ABCC1: variants seen among roughly 807,000 people sequenced by gnomAD.
ABCC1 encodes multidrug resistance-associated protein 1.
Under a neutral mutation model 172.9 loss-of-function variants are expected in ABCC1, and 83 were observed. The ratio of observed to expected loss-of-function variants is 0.48; its 90% CI spans 0.40 to 0.58. ABCC1 has a LOEUF of 0.58. Among genes scored for constraint, ABCC1 ranks in the 20% least tolerant of loss-of-function variants. ABCC1 has a pLI of 0.00. For synonymous variants in ABCC1, 937 were observed against 825.2 expected (o/e 1.14, Z -2.32); for missense variants, 1,817 against 2,002.7 (o/e 0.91, Z 1.77).
intron 19 of ABCC1, among the ~76,000 whole-genome samples, chr16:16,098,478 G>A (rs930247245): frequency 6.6e-6 from 1 of 152,222 alleles, no homozygotes; most frequent in Non-Finnish European, 1.5e-5. Context: ...AATTAGCCAG[G>A]TGTGGTGGCG....
At chr16:16,003,399 T>C (rs1184654469) in intron 1 of ABCC1, among the ~76,000 whole-genome samples, 1 of 85,732 alleles carries the variant, frequency 1.2e-5, no homozygotes. Flanking sequence ...GGTGGATGAA[T>C]TGGTAGGTGG....
At chr16:16,126,065 TTA>T (rs887399642) in intron 26 of ABCC1, among the ~76,000 whole-genome samples, 154 bp downstream of exon 26, 21 of 152,224 alleles carry the variant, frequency 1.4e-4, no homozygotes, top group Non-Finnish European at 4.4e-5. Flanking sequence ...TTTGCAGCAC[TTA>T]TTTAGAGCCC....
chr16:15,988,272 C>G lies in ABCC1; in HGVS notation c.49-19544C>G, dbSNP rs928578842. 2.6e-5 allele frequency among the ~76,000 whole-genome samples: 4 copies of G among 152,260 alleles called. No homozygotes were observed. The South Asian group carries it at 8.3e-4, about 31-fold the overall frequency. On this transcript the variant is annotated intron_variant, in intron 1 of 30. Coordinates refer to ENST00000399410, the MANE Select transcript of ABCC1 (RefSeq NM_004996.4). Reference sequence around the variant, plus strand: ...CAAGGCTTGCCCTCTTCTCTGAGTGCTTTTCATCACACATGTCTTCATATC... The same window carrying G: ...CAAGGCTTGCCCTCTTCTCTGAGTGGTTTTCATCACACATGTCTTCATATC...
chr16:16,132,189 A>T (rs2045705042), intron 27 of ABCC1, among the ~76,000 whole-genome samples: 1 of 151,994 alleles, frequency 6.6e-6, no homozygotes, highest in African/African-American at 2.4e-5. Context: ...GTTTTGGAAG[A>T]TTTTTTGTTG....
At chr16:15,989,391 G>C (rs1597077107) in intron 1 of ABCC1, among the ~76,000 whole-genome samples, 1 of 152,262 alleles carries the variant, frequency 6.6e-6, no homozygotes, top group East Asian at 1.9e-4. Flanking sequence ...TGCTGTGTCG[G>C]GGCTGGGAGA....
chr16:16,122,233 T>C, intron 24 of ABCC1, 59 bp downstream of exon 24: 2 of 1,582,554 alleles, frequency 1.3e-6, no homozygotes, highest in Non-Finnish European at 1.7e-6. Flanking sequence ...CCTTGTCTCT[T>C]TGCCTCGATC....
chr16:16,092,381 C>T (rs555046713), intron 19 of ABCC1, among the ~76,000 whole-genome samples: 2 of 152,202 alleles, frequency 1.3e-5, no homozygotes, highest in Non-Finnish European at 2.9e-5. Context: ...AGCCATGACT[C>T]CCTATTTTCC....
At chr16:16,019,206 C>T (rs565650587) in intron 5 of ABCC1, among the ~76,000 whole-genome samples, 6 of 152,108 alleles carry the variant, frequency 3.9e-5, no homozygotes, top group East Asian at 1.9e-4. Context: ...TGGGTTCAAG[C>T]GATTCTTCTG....
In ABCC1 at chr16:15,972,150, C is replaced by T. The variant is rs184419398; in HGVS notation, c.48+22351C>T. On this transcript the variant is annotated intron_variant, in intron 1 of 30. Coordinates refer to ENST00000399410, the MANE Select transcript of ABCC1 (RefSeq NM_004996.4). ...GGAATCTGTGACACAGTTAAACATGCGCAGGATCATGTCACTAGCAAGGAG... is the reference window on the plus strand; with the variant it reads ...GGAATCTGTGACACAGTTAAACATGTGCAGGATCATGTCACTAGCAAGGAG... 1.3e-3 allele frequency among the ~76,000 whole-genome samples: 198 copies of T among 152,192 alleles called. 1 individual carries two copies. Among genetic ancestry groups the T allele is most frequent in the African/African-American group, 3.6e-3 (151 of 41,510 alleles).
chr16:16,086,052 G>C (rs1484959662), intron 17 of ABCC1, among the ~76,000 whole-genome samples: 3 of 152,094 alleles, frequency 2.0e-5, no homozygotes, highest in Non-Finnish European at 4.4e-5. Flanking sequence ...GACAGATCCA[G>C]AGTAAGCTGG....
At chr16:16,111,308 T>TGG in intron 21 of ABCC1, 67 bp from the exon 22 acceptor site, 3 of 1,314,736 alleles carry the variant, frequency 2.3e-6, no homozygotes, top group Non-Finnish European at 3.2e-6. Flanking sequence ...GCCCCCGACC[T>TGG]TGTGGGGCTG....
chr16:16,024,921 G>C (rs993335390), intron 5 of ABCC1, among the ~76,000 whole-genome samples: 1 of 152,166 alleles, frequency 6.6e-6, no homozygotes, highest in Admixed American at 6.5e-5. Context: ...GCTCACACCT[G>C]TAGTCTTGGC....
chr16:16,099,931 A>G (rs2051650929), intron 19 of ABCC1, among the ~76,000 whole-genome samples: 1 of 152,120 alleles, frequency 6.6e-6, no homozygotes, highest in African/African-American at 2.4e-5. Context: ...TAGAAATACA[A>G]AAGAATTAGC....
chr16:16,063,400 G>A (rs1262021467), intron 12 of ABCC1, among the ~76,000 whole-genome samples: 1 of 152,140 alleles, frequency 6.6e-6, no homozygotes, highest in Non-Finnish European at 1.5e-5. Context: ...GAGCTACCAT[G>A]CCCAGTCAGA....
In ABCC1 at chr16:16,089,959, G is replaced by A. The variant is rs77930471; in HGVS notation, c.2461-446G>A. On this transcript the variant is annotated intron_variant, in intron 18 of 30. Coordinates refer to ENST00000399410, the MANE Select transcript of ABCC1 (RefSeq NM_004996.4). ...TTTTATTCCTTTACACACTTGTATG[G>A]TTCCCTCCCTACCTCTTGTCATTCA... Among the ~76,000 whole-genome samples the A allele has an allele frequency of 5.3e-3, 796 of 151,364 alleles. 8 individuals are homozygous for A. Among genetic ancestry groups the A allele is most frequent in the African/African-American group, 0.019 (766 of 41,202 alleles).
intron 17 of ABCC1, 52 bp from the exon 18 acceptor site, chr16:16,086,772 G>T: frequency 1.0e-5 from 16 of 1,597,118 alleles, no homozygotes; most frequent in Non-Finnish European, 1.4e-5. Flanking sequence ...TCTACGTATT[G>T]TGAGTCTCAA....
At chr16:16,072,699 T>TC (rs2050398392) in intron 14 of ABCC1, among the ~76,000 whole-genome samples, 1 of 151,766 alleles carries the variant, frequency 6.6e-6, no homozygotes, top group African/African-American at 2.4e-5. Context: ...TCCCAGCCCA[T>TC]CCCCCTGAGC....
intron 7 of ABCC1, among the ~76,000 whole-genome samples, chr16:16,038,883 A>C (rs1324575493): frequency 2.0e-5 from 3 of 152,164 alleles, no homozygotes; most frequent in Non-Finnish European, 2.9e-5. Context: ...TCAGGAGAGC[A>C]GGTTGCTGGA....
rs1287006933 is a variant in ABCC1 at position 16,142,705 on chromosome 16, G to A, written c.*1424G>A. The A allele has an allele frequency of 9.2e-5, 14 of 152,088 alleles. No individual in the cohort carries two copies. The highest frequency in any genetic ancestry group is 2.4e-4 in the African/African-American group (10 of 41,388). The allele number at this position is 152,088 out of a possible 1,614,324, so 9.4% of individuals were successfully genotyped here. The stretch of plus-strand genomic sequence containing the variant: ...TGAGAAGTAACATTCCCAGGAAATA[G>A]TGAGAAGCTCGCCCTGTGTTTGAAA... On this transcript the variant is annotated 3_prime_UTR_variant, in exon 31 of 31. Coordinates refer to ENST00000399410, the MANE Select transcript of ABCC1 (RefSeq NM_004996.4).
Sources: allele counts gnomAD v4.1 joint callset (sites outside exome capture counted in the v4.1 genomes callset), GRCh38; gene constraint gnomAD v4.1.1; transcripts MANE v1.5; gene names NCBI Gene and HGNC (gene_info 2026-07-23, HGNC 2026-07-21).